FLT1: variants seen among roughly 807,000 people sequenced by gnomAD.
FLT1 encodes vascular endothelial growth factor receptor 1.
A neutral mutation model predicts 156.3 loss-of-function variants in FLT1; 49 were observed. The observed-to-expected ratio is 0.31, with a 90% confidence interval of 0.25 to 0.40. FLT1 has a LOEUF of 0.40. FLT1 is among the 10% of genes least tolerant of loss of function. The pLI, the probability that FLT1 is intolerant of heterozygous loss-of-function variation, is 1.00. For missense variants in FLT1, 1,322 were observed against 1,637.2 expected (o/e 0.81, Z 3.32); for synonymous variants, 594 against 583.8 (o/e 1.02, Z -0.25).
At chr13:28,484,523 C>T (rs17086744) in intron 1 of FLT1, among the ~76,000 whole-genome samples, 2,280 of 152,188 alleles carry the variant, frequency 0.015, 69 homozygotes, top group African/African-American at 0.052. Context: ...TGAATGCCTA[C>T]GATAAGAAAA....
At chr13:28,346,881 A>T (rs992618492) in intron 15 of FLT1, among the ~76,000 whole-genome samples, 1 of 152,198 alleles carries the variant, frequency 6.6e-6, no homozygotes, top group Middle Eastern at 3.4e-3. Flanking sequence ...GGGCAGTAAT[A>T]CTCCAGTTTC....
intron 14 of FLT1, chr13:28,368,142 T>C: frequency 3.7e-6 from 2 of 537,832 alleles, no homozygotes; most frequent in Non-Finnish European, 4.8e-6. Flanking sequence ...TTTTGTCTGT[T>C]TATTTATTTA....
intron 20 of FLT1, among the ~76,000 whole-genome samples, chr13:28,327,170 AG>A (rs1746304468): frequency 6.6e-6 from 1 of 152,168 alleles, no homozygotes; most frequent in Non-Finnish European, 1.5e-5. Context: ...ACACATATAT[AG>A]GGGGAGAAAG....
intron 12 of FLT1, among the ~76,000 whole-genome samples, chr13:28,393,776 AGGATTTT>A (rs1874877896): frequency 1.3e-5 from 2 of 152,050 alleles, no homozygotes; most frequent in Non-Finnish European, 2.9e-5. Context: ...TTGTAGAGAC[AGGATTTT>A]GCCATGTTTC....
intron 3 of FLT1, among the ~76,000 whole-genome samples, chr13:28,446,808 T>A (rs1444072735): frequency 6.6e-6 from 1 of 152,208 alleles, no homozygotes; most frequent in Admixed American, 6.5e-5. Context: ...CTAAAATTCA[T>A]ATGAAATTGC....
At chr13:28,392,098 A>C (rs1004244287) in intron 12 of FLT1, among the ~76,000 whole-genome samples, 3 of 152,152 alleles carry the variant, frequency 2.0e-5, no homozygotes, top group African/African-American at 7.2e-5. Context: ...CCTAAATCTC[A>C]CTTTGCTTGT....
At chr13:28,314,601 C>G (rs541527661) in intron 25 of FLT1, among the ~76,000 whole-genome samples, 5 of 152,232 alleles carry the variant, frequency 3.3e-5, no homozygotes, top group South Asian at 2.1e-4. Context: ...AAGCTATCAC[C>G]CAAGTTCCCA....
At chr13:28,390,210 C>T in intron 12 of FLT1, 106 bp from the exon 13 acceptor site, 1 of 1,470,504 alleles carries the variant, frequency 6.8e-7, no homozygotes, top group Non-Finnish European at 9.2e-7. Context: ...TCTCAGTATC[C>T]ACATTAAAAA....
chr13:28,490,978 C>A (rs1040597270), intron 1 of FLT1, among the ~76,000 whole-genome samples: 1 of 152,198 alleles, frequency 6.6e-6, no homozygotes, highest in African/African-American at 2.4e-5. Flanking sequence ...CCATTCTTAT[C>A]CCCACCCACA....
At chr13:28,393,585 TTTGTTG>T (rs955172507) in intron 12 of FLT1, among the ~76,000 whole-genome samples, 2 of 152,062 alleles carry the variant, frequency 1.3e-5, no homozygotes, top group Non-Finnish European at 2.9e-5. Flanking sequence ...TGTGTTTGTT[TTTGTTG>T]TTGTTGTTGT....
chr13:28,372,076 ATTTTTTT>A (rs56114428), intron 14 of FLT1, among the ~76,000 whole-genome samples: 6 of 11,754 alleles, frequency 5.1e-4, no homozygotes, highest in African/African-American at 1.3e-3. Context: ...ATATATATAT[ATTTTTTT>A]TTTTTTTTTT....
chr13:28,332,533 C>A (rs1326687377), intron 18 of FLT1, among the ~76,000 whole-genome samples: 1 of 152,136 alleles, frequency 6.6e-6, no homozygotes, highest in African/African-American at 2.4e-5. Flanking sequence ...AGGCCAGGAT[C>A]ATCTTCAGGG....
At chr13:28,446,112 C>T (rs1019301976) in intron 3 of FLT1, among the ~76,000 whole-genome samples, 14 of 152,152 alleles carry the variant, frequency 9.2e-5, no homozygotes, top group Admixed American at 2.0e-4. Flanking sequence ...AAGCTCCTTT[C>T]GTGATGAAAA....
chr13:28,463,914 C>T (rs1274782849), intron 3 of FLT1, among the ~76,000 whole-genome samples: 1 of 152,100 alleles, frequency 6.6e-6, no homozygotes, highest in African/African-American at 2.4e-5. Context: ...GATTATGAGA[C>T]CAATATCACC....
chr13:28,345,438 T>G lies in FLT1; in HGVS notation c.2355+7A>C. The G allele has an allele frequency of 6.4e-7, 1 of 1,555,088 alleles. No individual in the cohort carries two copies. The highest frequency in any genetic ancestry group is 8.9e-7 in the Non-Finnish European group (1 of 1,128,216). ...AAAGGAGCATAGAACATCACCTATG[T>G]TCTTACCCTTTTCATTTTTCGGATA... On this transcript the variant is annotated splice_region_variant and intron_variant, in intron 16 of 29. Coordinates refer to ENST00000282397, the MANE Select transcript of FLT1 (RefSeq NM_002019.4).
chr13:28,454,087 C>T (rs1263815786), intron 3 of FLT1, among the ~76,000 whole-genome samples: 1 of 152,124 alleles, frequency 6.6e-6, no homozygotes, highest in Non-Finnish European at 1.5e-5. Context: ...CCAGTCCACA[C>T]CCCTCTTACT....
chr13:28,445,345 G>A (rs1878556782), intron 3 of FLT1, among the ~76,000 whole-genome samples: 2 of 152,116 alleles, frequency 1.3e-5, no homozygotes, highest in Admixed American at 6.6e-5. Context: ...GCATGATGGT[G>A]GACTCCTGTA....
intron 12 of FLT1, among the ~76,000 whole-genome samples, chr13:28,392,311 T>A (rs954139258): frequency 2.6e-5 from 4 of 152,334 alleles, no homozygotes; most frequent in African/African-American, 9.6e-5. Context: ...GAGGGGCAGC[T>A]GACAGTCACT....
rs150006145 is a variant in FLT1 at position 28,372,063 on chromosome 13, TATATATATATATA to T, written c.2116+12809_2116+12821del. On this transcript the variant is annotated intron_variant, in intron 14 of 29. Transcript: ENST00000282397. ...GTGTGTGTGTGTATATATATATATA[TATATATATATATA>T]TTTTTTTTTTTTTTTTTTTTTTTGA... Among the ~76,000 whole-genome samples the T allele has an allele frequency of 2.2e-3, 66 of 29,902 alleles. 2 individuals are homozygous for T. The highest frequency in any genetic ancestry group is 0.014 in the Middle Eastern group (1 of 74). 19.6% of individuals were successfully genotyped at this position (29,902 alleles called of 152,430 possible).
Sources: gnomAD v4.1 joint callset for allele counts (sites outside exome capture counted in the v4.1 genomes callset) on GRCh38, gnomAD v4.1.1 for gene constraint, MANE v1.5 for transcripts, NCBI Gene and HGNC (gene_info 2026-07-23, HGNC 2026-07-21) for gene names.